The following ST6GAL1 variants were observed in gnomAD, a reference collection of about 807,000 sequenced individuals.
ST6GAL1 encodes the protein ST6 beta-galactoside alpha-2,6-sialyltransferase 1.
In ST6GAL1, 20 loss-of-function variants were observed where a neutral mutation model predicts 38.0. The observed-to-expected ratio is 0.53, with a 90% confidence interval of 0.37 to 0.77. ST6GAL1 has a LOEUF of 0.77. Among genes scored for constraint, ST6GAL1 ranks in the 30% least tolerant of loss-of-function variants. The pLI is 0.00. For synonymous variants in ST6GAL1, 196 were observed against 188.2 expected (o/e 1.04, Z -0.34); for missense variants, 432 against 496.4 (o/e 0.87, Z 1.23).
At chr3:187,053,142 G>A (rs1188763346) in intron 5 of ST6GAL1, among the ~76,000 whole-genome samples, 1 of 152,132 alleles carries the variant, frequency 6.6e-6, no homozygotes, top group Non-Finnish European at 1.5e-5. Context: ...TTTTGATGGG[G>A]TTGTTTGTTT....
At chr3:187,026,697 T>A (rs2108569500) in intron 2 of ST6GAL1, among the ~76,000 whole-genome samples, 1 of 152,240 alleles carries the variant, frequency 6.6e-6, no homozygotes, top group Non-Finnish European at 1.5e-5. Flanking sequence ...CTATTGGTGG[T>A]GAAGAACCAA....
At chr3:187,024,253 C>T (rs1228808990) in intron 2 of ST6GAL1, among the ~76,000 whole-genome samples, 3 of 151,662 alleles carry the variant, frequency 2.0e-5, no homozygotes, top group East Asian at 1.9e-4. Flanking sequence ...GCCTCCACGC[C>T]TGGCTAATTT....
At chr3:187,003,525 A>G (rs1716689377) in intron 2 of ST6GAL1, among the ~76,000 whole-genome samples, 1 of 152,200 alleles carries the variant, frequency 6.6e-6, no homozygotes, top group African/African-American at 2.4e-5. Flanking sequence ...AGCATGGTAT[A>G]TATCCTCCAT....
intron 2 of ST6GAL1, among the ~76,000 whole-genome samples, chr3:186,979,886 A>G (rs1429409757): frequency 2.0e-5 from 3 of 152,216 alleles, no homozygotes; most frequent in Non-Finnish European, 2.9e-5. Flanking sequence ...TGCAGCTTTT[A>G]TAGCACCAAT....
At chr3:187,056,822 G>T (rs1003473153) in intron 5 of ST6GAL1, among the ~76,000 whole-genome samples, 1 of 152,126 alleles carries the variant, frequency 6.6e-6, no homozygotes, top group Admixed American at 6.5e-5. Flanking sequence ...GGTGTTCTCT[G>T]TATTTCCTGA....
intron 2 of ST6GAL1, among the ~76,000 whole-genome samples, chr3:187,015,207 TG>T (rs1228396388): frequency 5.3e-5 from 8 of 152,236 alleles, no homozygotes; most frequent in African/African-American, 1.9e-4. Flanking sequence ...ACGAAGGGAC[TG>T]GCCCCTGTGT....
intron 1 of ST6GAL1, among the ~76,000 whole-genome samples, chr3:186,942,711 GC>G (rs1714220710): frequency 1.3e-5 from 2 of 152,078 alleles, no homozygotes; most frequent in Admixed American, 1.3e-4. Flanking sequence ...TGTGTGCCTG[GC>G]CCTGATTAGG....
intron 2 of ST6GAL1, among the ~76,000 whole-genome samples, chr3:186,990,611 A>G (rs1201581179): frequency 6.7e-6 from 1 of 149,512 alleles, no homozygotes; most frequent in Non-Finnish European, 1.5e-5. Context: ...GCCTTCTCCC[A>G]TCCCTCCCTC....
At chr3:187,053,014 A>G (rs998346304) in intron 5 of ST6GAL1, among the ~76,000 whole-genome samples, 1 of 152,182 alleles carries the variant, frequency 6.6e-6, no homozygotes, top group Non-Finnish European at 1.5e-5. Context: ...ATGGTATCTC[A>G]TTATGGTTTT....
chr3:187,040,574 T>C (rs1056213779), intron 3 of ST6GAL1, among the ~76,000 whole-genome samples: 1 of 152,226 alleles, frequency 6.6e-6, no homozygotes, highest in Admixed American at 6.5e-5. Flanking sequence ...AATATCTCTA[T>C]CATAGTGTTG....
chr3:187,053,247 T>A (rs1718575637), intron 5 of ST6GAL1, among the ~76,000 whole-genome samples: 1 of 152,212 alleles, frequency 6.6e-6, no homozygotes, highest in Non-Finnish European at 1.5e-5. Context: ...ATTCTTTAGG[T>A]TGGCTGTTCA....
At chr3:186,986,906 A>G (rs540488407) in intron 2 of ST6GAL1, among the ~76,000 whole-genome samples, 1 of 152,296 alleles carries the variant, frequency 6.6e-6, no homozygotes, top group East Asian at 1.9e-4. Flanking sequence ...TAGTGTCAGG[A>G]GAAAAAGAAA....
chr3:187,051,146 G>C, intron 4 of ST6GAL1, 103 bp from the exon 5 acceptor site: 1 of 977,906 alleles, frequency 1.0e-6, no homozygotes, highest in Admixed American at 1.8e-5. Context: ...GGTAAAGATG[G>C]GGAAGCATTA....
Position 187,042,901 on chromosome 3 carries a change from C to G in ST6GAL1, c.198C>G (p.Ser66Arg), listed in dbSNP as rs1405425072. 1 of 1,614,070 alleles carries G rather than the reference C, an allele frequency of 6.2e-7. No individual in the cohort carries two copies. The highest frequency in any genetic ancestry group is 8.5e-7 in the Non-Finnish European group (1 of 1,180,036). Reference protein sequence around the residue: ...MGSDSQSVSSSSTQDPHRGRQ... With the variant: ...MGSDSQSVSSRSTQDPHRGRQ... The stretch of plus-strand genomic sequence containing the variant: ...CTGATTCCCAGTCTGTATCCTCAAG[C>G]AGCACCCAGGACCCCCACAGGGGCC... Residue 66 changes from serine to arginine, a missense_variant, in exon 4 of 8, where the codon AGC becomes AGG. Ser to Arg is a moderately radical substitution (Grantham distance 110, BLOSUM62 -1). Transcript: ENST00000169298.
chr3:187,001,977 A>T (rs1716635454), intron 2 of ST6GAL1, among the ~76,000 whole-genome samples: 1 of 151,818 alleles, frequency 6.6e-6, no homozygotes, highest in Non-Finnish European at 1.5e-5. Flanking sequence ...AAAAACCCAA[A>T]AACAAAACAA....
chr3:186,993,879 A>G (rs1280916160), intron 2 of ST6GAL1, among the ~76,000 whole-genome samples: 4 of 152,148 alleles, frequency 2.6e-5, no homozygotes, highest in Non-Finnish European at 5.9e-5. Flanking sequence ...TGTAAGCGAT[A>G]CTTATAACAA....
chr3:187,047,219 A>G lies in ST6GAL1; in HGVS notation c.607+3909A>G, dbSNP rs192803287. ...CTCGGCCTCCCAAAGTGCTGGGATTACAGGTGTGAGCCACCGCGCCCGGCC... is the reference window on the plus strand; with the variant it reads ...CTCGGCCTCCCAAAGTGCTGGGATTGCAGGTGTGAGCCACCGCGCCCGGCC... On this transcript the variant is annotated intron_variant, in intron 4 of 7. Transcript: ENST00000169298. 4.6e-3 allele frequency among the ~76,000 whole-genome samples: 687 copies of G among 150,388 alleles called. 6 individuals carry two copies. Among genetic ancestry groups the G allele is most frequent in the African/African-American group, 0.016 (650 of 40,958 alleles).
rs1473320639 is a variant in ST6GAL1, at chr3:187,077,759, CA to C, written c.*1957del. 6.6e-6 allele frequency: 1 copy of C among 152,392 alleles called. No individual in the cohort carries two copies. The highest frequency in any genetic ancestry group is 1.5e-5 in the Non-Finnish European group (1 of 68,174). The allele number at this position is 152,392 out of a possible 1,614,324, so 9.4% of individuals were successfully genotyped here. ...TTAGTAGGGACCTGCTCTGTGCTCA[CA>C]CCTCGGCTGCATGCACCCTGCTGTG... On this transcript the variant is annotated 3_prime_UTR_variant, in exon 8 of 8. Coordinates refer to ENST00000169298, the MANE Select transcript of ST6GAL1 (RefSeq NM_173216.2).
intron 1 of ST6GAL1, among the ~76,000 whole-genome samples, chr3:186,934,337 A>T (rs1367735801): frequency 6.6e-6 from 1 of 152,132 alleles, no homozygotes; most frequent in African/African-American, 2.4e-5. Flanking sequence ...TGAGCTCAGG[A>T]GTTTGAGACC....
Sources: allele counts gnomAD v4.1 joint callset (sites outside exome capture counted in the v4.1 genomes callset), GRCh38; gene constraint gnomAD v4.1.1; transcripts MANE v1.5; gene names NCBI Gene and HGNC (gene_info 2026-07-23, HGNC 2026-07-21).